SPAG17: variants seen among roughly 807,000 people sequenced by gnomAD.
SPAG17 encodes the protein sperm associated antigen 17.
Under a neutral mutation model 273.6 loss-of-function variants are expected in SPAG17, and 169 were observed. The ratio of observed to expected loss-of-function variants is 0.62; its 90% CI spans 0.55 to 0.70. The LOEUF (loss-of-function observed/expected upper bound fraction) is 0.70. Ranked by LOEUF, SPAG17 falls within the 30% of genes least tolerant of loss-of-function variation. The pLI is 0.00. For missense variants in SPAG17, 2,557 were observed against 2,627.8 expected (o/e 0.97, Z 0.59); for synonymous variants, 825 against 873.2 (o/e 0.94, Z 0.97).
intron 48 of SPAG17, 86 bp downstream of exon 48, chr1:117,963,713 C>A: frequency 7.6e-7 from 1 of 1,308,552 alleles, no homozygotes; most frequent in Non-Finnish European, 1.0e-6. Flanking sequence ...AGGTTTCTGA[C>A]TATAAGAAGA....
At chr1:118,166,193 C>T (rs1250324025) in intron 1 of SPAG17, among the ~76,000 whole-genome samples, 2 of 152,120 alleles carry the variant, frequency 1.3e-5, no homozygotes, top group African/African-American at 4.8e-5. Flanking sequence ...CAAACCGGCA[C>T]ATTACAATCA....
In SPAG17 at chr1:118,081,523, C is replaced by G; in HGVS notation, c.1882G>C (p.Asp628His). 2 of 1,613,812 alleles carry G rather than the reference C, an allele frequency of 1.2e-6. No individual in the cohort carries two copies. The highest frequency in any genetic ancestry group is 2.2e-5 in the South Asian group (2 of 91,084). The change falls in exon 14 of 49, where the codon GAT becomes CAT. Residue 628 changes from aspartate (D) to histidine (H), a missense_variant. Physicochemically the swap from Asp to His is moderately conservative, Grantham distance 81. Transcript: ENST00000336338. ...CACGGTATGTTGAACATTTCAGAAT[C>G]TGACCCACACATCATCCCAGAAGGT... ...LKPSGMMCGS[D>H]SEMFNIPWDN...
intron 4 of SPAG17, among the ~76,000 whole-genome samples, chr1:118,106,258 T>C (rs1181908373): frequency 6.6e-6 from 1 of 152,230 alleles, no homozygotes; most frequent in Non-Finnish European, 1.5e-5. Context: ...TTCTATTTAT[T>C]ACATTCTTAC....
chr1:118,142,314 C>A (rs1325902470), intron 3 of SPAG17, among the ~76,000 whole-genome samples: 3 of 152,004 alleles, frequency 2.0e-5, no homozygotes, highest in Non-Finnish European at 4.4e-5. Context: ...TCATCAGGGG[C>A]CAGGGTGCAG....
chr1:118,113,155 G>T (rs1243543940), intron 4 of SPAG17, among the ~76,000 whole-genome samples: 1 of 151,652 alleles, frequency 6.6e-6, no homozygotes, highest in Non-Finnish European at 1.5e-5. Flanking sequence ...ACAGAGGTAA[G>T]CAATTAATTA....
chr1:118,025,478 C>T, intron 26 of SPAG17, 62 bp from the exon 27 acceptor site: 1 of 1,154,186 alleles, frequency 8.7e-7, no homozygotes, highest in Non-Finnish European at 1.2e-6. Flanking sequence ...ATTTTATCAT[C>T]TTGCTTAATT....
chr1:118,075,626 G>C (rs928408717), intron 15 of SPAG17, among the ~76,000 whole-genome samples: 1 of 152,160 alleles, frequency 6.6e-6, no homozygotes, highest in Non-Finnish European at 1.5e-5. Flanking sequence ...TGATGCTGCT[G>C]AACAACTGAA....
At chr1:118,019,411 A>C (rs1202456205) in intron 28 of SPAG17, among the ~76,000 whole-genome samples, 4 of 152,152 alleles carry the variant, frequency 2.6e-5, no homozygotes, top group African/African-American at 9.6e-5. Flanking sequence ...AAGAGAACTG[A>C]AAGACCTAAA....
intron 1 of SPAG17, among the ~76,000 whole-genome samples, chr1:118,164,477 A>C (rs1339329243): frequency 2.0e-5 from 3 of 152,200 alleles, no homozygotes; most frequent in African/African-American, 7.2e-5. Context: ...TTATTCTCTC[A>C]GATATGCAAT....
intron 17 of SPAG17, among the ~76,000 whole-genome samples, chr1:118,073,140 A>G (rs1653768305): frequency 6.6e-6 from 1 of 152,184 alleles, no homozygotes; most frequent in Non-Finnish European, 1.5e-5. Flanking sequence ...CCAAAAGAGG[A>G]CAAGTTTTTG....
In SPAG17 at chr1:117,994,396, A is replaced by C; in HGVS notation, c.5178+10T>G. On this transcript the variant is annotated intron_variant, in intron 35 of 48. Transcript: ENST00000336338. ...GCTAATAAAATGACTTTTTAGAAGA[A>C]ATTATATACCTCAACTGAGGGAAAT... is the stretch of plus-strand genomic sequence containing the variant. 1 of 1,609,354 alleles carries C rather than the reference A, an allele frequency of 6.2e-7. No individual in the cohort carries two copies. Among genetic ancestry groups the C allele is most frequent in the Non-Finnish European group, 8.5e-7 (1 of 1,177,780 alleles).
At chr1:118,165,520 A>C (rs1660122910) in intron 1 of SPAG17, among the ~76,000 whole-genome samples, 2 of 150,518 alleles carry the variant, frequency 1.3e-5, no homozygotes, top group South Asian at 4.2e-4. Flanking sequence ...TTTTTCACAT[A>C]TTTTCTTAGG....
At position 118,041,844 on chromosome 1, in the gene SPAG17, C is replaced by T. The variant is rs775607209; in HGVS notation, c.3013G>A (p.Glu1005Lys). The T allele has an allele frequency of 1.4e-5, 23 of 1,613,666 alleles. No individual in the cohort carries two copies. The highest frequency in any genetic ancestry group is 3.3e-5 in the Admixed American group (2 of 59,962). Residue 1005 changes from glutamate (E) to lysine (K), a missense_variant, in exon 21 of 49, where the codon GAA becomes AAA. Glu to Lys is a moderately conservative substitution (Grantham distance 56). Coordinates refer to ENST00000336338, the MANE Select transcript of SPAG17 (RefSeq NM_206996.4). Reference sequence around the variant, plus strand: ...GGTTCTGGTTGGTGGGGGGACTCTTCTGTTACTTCTTGGATCTTGACTTGT... The same window carrying T: ...GGTTCTGGTTGGTGGGGGGACTCTTTTGTTACTTCTTGGATCTTGACTTGT... ...EEQVKIQEVT[E>K]ESPHQPEPKI...
rs1403360895 is a variant in SPAG17 at position 118,086,959 on chromosome 1, G to C, written c.1409C>G (p.Ser470Cys). The change falls in exon 11 of 49, where the codon TCC (serine) becomes TGC (cysteine). Residue 470 changes from serine (S) to cysteine (C), a missense_variant. Ser to Cys is a moderately radical substitution (Grantham distance 112). Coordinates refer to ENST00000336338, the MANE Select transcript of SPAG17 (RefSeq NM_206996.4). The stretch of plus-strand genomic sequence containing the variant: ...GTGGTCTAGCCCGTCTGCTCTGGGG[G>C]ATGGCTCCCGCAGACTGGGTGGGAC... ...DLVPPSLREP[S>C]PRADGLDHRI... 6.3e-7 allele frequency: 1 copy of C among 1,591,670 alleles called. No homozygotes were observed. Among genetic ancestry groups the C allele is most frequent in the East Asian group, 2.2e-5 (1 of 44,664 alleles).
At chr1:118,005,070 G>T (rs531169412) in intron 32 of SPAG17, among the ~76,000 whole-genome samples, 1 of 152,256 alleles carries the variant, frequency 6.6e-6, no homozygotes, top group South Asian at 2.1e-4. Flanking sequence ...CCTGTCTTGT[G>T]TTTGCTCTGA....
rs192990417 is a variant in SPAG17 at position 118,013,495 on chromosome 1, G to C, written c.4288-1123C>G. On this transcript the variant is annotated intron_variant, in intron 29 of 48. Transcript: ENST00000336338. ...TGAGCTCTGGGGTTAAGCTGAGTTT[G>C]AATCCCGACTCCGCAAATGGCTGGG... Among the ~76,000 whole-genome samples, 13 of 152,310 alleles carry C rather than the reference G, an allele frequency of 8.5e-5. No homozygotes were observed. The East Asian group carries it at 2.1e-3, about 25-fold the overall frequency.
chr1:117,954,946 A>G, intron 48 of SPAG17: 1 of 387,110 alleles, frequency 2.6e-6, no homozygotes, highest in Non-Finnish European at 4.6e-6. Flanking sequence ...TCAGAAGGAA[A>G]GTTGACAGAA....
chr1:118,147,496 CAT>C (rs67713521), intron 3 of SPAG17, among the ~76,000 whole-genome samples: 10,837 of 152,218 alleles, frequency 0.071, 510 homozygotes, highest in East Asian at 0.26. Context: ...CTCATTCCCA[CAT>C]GAGTTCTTGA....
At chr1:118,106,132 G>A (rs1297381679) in intron 4 of SPAG17, among the ~76,000 whole-genome samples, 2 of 152,040 alleles carry the variant, frequency 1.3e-5, no homozygotes, top group African/African-American at 4.8e-5. Context: ...AATGCTGATG[G>A]GTCTGTCCCA....
Sources: allele counts gnomAD v4.1 joint callset (sites outside exome capture counted in the v4.1 genomes callset), GRCh38; gene constraint gnomAD v4.1.1; transcripts MANE v1.5; gene names NCBI Gene and HGNC (gene_info 2026-07-23, HGNC 2026-07-21).